MYZAP: variants seen among roughly 807,000 people sequenced by gnomAD.
MYZAP encodes the protein GRINL1A complex locus upstream.
MYZAP carries 66 observed loss-of-function variants against 69.4 expected under a neutral mutation model. That is an observed-to-expected ratio of 0.95 (90% CI 0.78 to 1.17). The LOEUF (loss-of-function observed/expected upper bound fraction) is 1.17, where lower values mean the gene tolerates loss of function less well. Among genes scored for constraint, MYZAP ranks in the 50% most tolerant of loss-of-function variants. The pLI is 0.00. For missense variants in MYZAP, 611 were observed against 556.2 expected (o/e 1.10, Z -0.99); for synonymous variants, 256 against 205.9 (o/e 1.24, Z -2.09).
At chr15:57,639,410 T>A in intron 9 of MYZAP, 30 bp from the exon 10 acceptor site, 2 of 1,611,670 alleles carry the variant, frequency 1.2e-6, no homozygotes, top group Non-Finnish European at 1.7e-6. Flanking sequence ...GGTTTAGGAC[T>A]CATTTGCTTT....
intron 12 of MYZAP, among the ~76,000 whole-genome samples, chr15:57,677,567 A>G (rs2039204244): frequency 1.3e-5 from 2 of 152,242 alleles, no homozygotes; most frequent in African/African-American, 4.8e-5. Context: ...TCAAATTTGC[A>G]TCTAACTAAT....
At chr15:57,644,647 A>T (rs1367707634) in intron 10 of MYZAP, among the ~76,000 whole-genome samples, 1 of 151,962 alleles carries the variant, frequency 6.6e-6, no homozygotes, top group African/African-American at 2.4e-5. Context: ...ATTATTTTTT[A>T]TAGAGACAGG....
intron 2 of MYZAP, among the ~76,000 whole-genome samples, chr15:57,616,726 C>G (rs1379420869): frequency 6.7e-6 from 1 of 149,184 alleles, no homozygotes; most frequent in Non-Finnish European, 1.5e-5. Context: ...AGGAGAATCA[C>G]TTGAACCAGG....
chr15:57,607,159 A>G (rs1040460169), intron 2 of MYZAP, among the ~76,000 whole-genome samples: 1 of 152,202 alleles, frequency 6.6e-6, no homozygotes, highest in Non-Finnish European at 1.5e-5. Context: ...GGGACAGGAC[A>G]AGGGCCTGGT....
intron 8 of MYZAP, among the ~76,000 whole-genome samples, chr15:57,637,153 A>G (rs771751085): frequency 4.6e-5 from 7 of 152,184 alleles, no homozygotes; most frequent in Admixed American, 2.0e-4. Context: ...AAGATCTTTA[A>G]CTTAATCACA....
chr15:57,609,330 C>G (rs2034961563), intron 2 of MYZAP, among the ~76,000 whole-genome samples: 1 of 152,164 alleles, frequency 6.6e-6, no homozygotes. Flanking sequence ...TTCTGGAGTT[C>G]ATATGTCTGG....
intron 11 of MYZAP, among the ~76,000 whole-genome samples, chr15:57,670,430 C>T (rs993790927): frequency 2.6e-5 from 4 of 151,898 alleles, no homozygotes; most frequent in East Asian, 1.9e-4. Context: ...TTACTGTTTA[C>T]GTGCTATATA....
At chr15:57,597,055 G>C (rs2034109281) in intron 1 of MYZAP, among the ~76,000 whole-genome samples, 2 of 152,178 alleles carry the variant, frequency 1.3e-5, no homozygotes, top group Admixed American at 1.3e-4. Flanking sequence ...ATTGGCAAAT[G>C]GAAAAACAGG....
intron 1 of MYZAP, among the ~76,000 whole-genome samples, chr15:57,601,274 T>TTGTGTGTG (rs10679285): frequency 0.084 from 12,431 of 148,266 alleles, 543 homozygotes; most frequent in Admixed American, 0.12. Flanking sequence ...GTGTGCACAC[T>TTGTGTGTG]TGTGTGTGTG....
intron 2 of MYZAP, among the ~76,000 whole-genome samples, chr15:57,610,586 T>A (rs2035042432): frequency 6.6e-6 from 1 of 152,204 alleles, no homozygotes; most frequent in Admixed American, 6.5e-5. Context: ...AGTCAGGTCA[T>A]CTCTAGGGGT....
At chr15:57,616,399 G>A (rs1238328816) in intron 2 of MYZAP, among the ~76,000 whole-genome samples, 4 of 152,142 alleles carry the variant, frequency 2.6e-5, no homozygotes, top group Non-Finnish European at 4.4e-5. Context: ...CAGCACTTTG[G>A]GGGGCCGAGG....
chr15:57,680,485 T>TCACACACACACA (rs71950892), intron 12 of MYZAP, among the ~76,000 whole-genome samples: 2 of 142,994 alleles, frequency 1.4e-5, no homozygotes, highest in African/African-American at 5.8e-5. Flanking sequence ...GTTCAGGAGT[T>TCACACACACACA]CACACACACA....
At chr15:57,619,647 C>A (rs1043950358) in intron 3 of MYZAP, among the ~76,000 whole-genome samples, 7 of 152,192 alleles carry the variant, frequency 4.6e-5, no homozygotes, top group Non-Finnish European at 1.0e-4. Flanking sequence ...TCACTGTGCC[C>A]GGCCTCCAGA....
rs200107926 is a variant in MYZAP, at chr15:57,637,659, T to G, written c.934-36T>G. 262 of 1,601,844 alleles carry G rather than the reference T, an allele frequency of 1.6e-4. No homozygotes were observed. In the African/African-American group the frequency reaches 3.3e-3, roughly 20 times the overall value. On this transcript the variant is annotated intron_variant, in intron 8 of 12. Transcript: ENST00000267853. ...TAGACATTCTCTGTCAAACTTGGGA[T>G]CCATTGATTAAAATATCAGTTTCTG...
chr15:57,650,506 C>T (rs2037675534), intron 10 of MYZAP, among the ~76,000 whole-genome samples: 1 of 152,194 alleles, frequency 6.6e-6, no homozygotes, highest in African/African-American at 2.4e-5. Flanking sequence ...AGTTCATAGG[C>T]TTTGAGTAAA....
rs1448681261 is a variant in MYZAP at position 57,629,821 on chromosome 15, A to G, written c.645A>G (p.Val215=). 6.2e-7 allele frequency: 1 copy of G among 1,613,936 alleles called. No homozygotes were observed. The highest frequency in any genetic ancestry group is 2.2e-5 in the East Asian group (1 of 44,876). The change falls in exon 6 of 13, where the codon GTA becomes GTG. Residue 215 remains valine, a synonymous_variant. Coordinates refer to ENST00000267853, the MANE Select transcript of MYZAP (RefSeq NM_001018100.5). ...KLREKQRQLE[V]AQVENQLLKM... is the part of the protein sequence containing the mutation. The stretch of plus-strand genomic sequence containing the variant: ...GGGAAAAGCAGAGGCAGTTGGAGGT[A>G]GCGCAAGTTGAAAACCAGCTGCTAA...
chr15:57,673,530 C>G (rs779899380), intron 11 of MYZAP, among the ~76,000 whole-genome samples: 14 of 144,294 alleles, frequency 9.7e-5, no homozygotes, highest in Non-Finnish European at 1.8e-4. Flanking sequence ...ATGCTGATGA[C>G]TCTCCGGGAA....
At chr15:57,624,060 A>T (rs1331036533) in intron 4 of MYZAP, among the ~76,000 whole-genome samples, 1 of 152,210 alleles carries the variant, frequency 6.6e-6, no homozygotes, top group African/African-American at 2.4e-5. Flanking sequence ...GTAATTTTTT[A>T]TAAAAATATA....
intron 1 of MYZAP, among the ~76,000 whole-genome samples, chr15:57,600,857 T>G (rs2034363845): frequency 6.6e-6 from 1 of 152,100 alleles, no homozygotes; most frequent in African/African-American, 2.4e-5. Flanking sequence ...TGAGACAGGA[T>G]TGCTTGAGCC....
Sources: allele counts gnomAD v4.1 joint callset (sites outside exome capture counted in the v4.1 genomes callset), GRCh38; gene constraint gnomAD v4.1.1; transcripts MANE v1.5; gene names NCBI Gene and HGNC (gene_info 2026-07-23, HGNC 2026-07-21).